The following SLC14A2 variants were observed in gnomAD, a reference collection of about 807,000 sequenced individuals.
The protein encoded by SLC14A2 is solute carrier family 14 member 2, also known as urea transporter 2.
Under a neutral mutation model 104.6 loss-of-function variants are expected in SLC14A2, and 91 were observed. The observed-to-expected ratio is 0.87, with a 90% CI of 0.73 to 1.04. The LOEUF (loss-of-function observed/expected upper bound fraction) is 1.04, where lower values mean the gene tolerates loss of function less well. Ranked by LOEUF, SLC14A2 falls within the 50% of genes least tolerant of loss-of-function variation. SLC14A2 has a pLI of 0.00. For missense variants in SLC14A2, 1,189 were observed against 1,156.0 expected, an observed-to-expected ratio of 1.03 and a Z score of -0.41; for synonymous variants, 476 against 466.4, an observed-to-expected ratio of 1.02 and a Z score of -0.27.
chr18:45,582,445 T>C (rs2044506624), intron 2 of SLC14A2, among the ~76,000 whole-genome samples: 1 of 152,198 alleles, frequency 6.6e-6, no homozygotes, highest in Admixed American at 6.5e-5. Context: ...TTTTCTATTA[T>C]GTGCTCTTGA....
At chr18:45,623,712 T>C (rs1264571115) in intron 1 of SLC14A2, among the ~76,000 whole-genome samples, 1 of 152,164 alleles carries the variant, frequency 6.6e-6, no homozygotes, top group Non-Finnish European at 1.5e-5. Flanking sequence ...GTAGTACCCA[T>C]GTTAGGGATC....
At chr18:45,663,740 C>T (rs374171280) in intron 10 of SLC14A2, 45 bp from the exon 11 acceptor site, 31 of 1,589,248 alleles carry the variant, frequency 2.0e-5, no homozygotes, top group Admixed American at 1.1e-4. Flanking sequence ...CTCTCAGGTG[C>T]GGACTAGGTG....
intron 2 of SLC14A2, among the ~76,000 whole-genome samples, chr18:45,547,699 A>C (rs1222173162): frequency 1.3e-5 from 2 of 152,186 alleles, no homozygotes; most frequent in African/African-American, 4.8e-5. Flanking sequence ...AATGTCTAGG[A>C]GATGATGAAA....
At chr18:45,230,976 G>A (rs893963047) in intron 1 of SLC14A2, among the ~76,000 whole-genome samples, 11 of 152,064 alleles carry the variant, frequency 7.2e-5, no homozygotes, top group Admixed American at 2.6e-4. Context: ...TCTTTAACAA[G>A]AACAACAACA....
At chr18:45,244,844 G>A (rs1599607889) in intron 1 of SLC14A2, among the ~76,000 whole-genome samples, 1 of 152,262 alleles carries the variant, frequency 6.6e-6, no homozygotes, top group African/African-American at 2.4e-5. Context: ...GCCAAAGGAA[G>A]ACCCAATTGT....
At chr18:45,441,260 C>G (rs1310327965) in intron 1 of SLC14A2, among the ~76,000 whole-genome samples, 2 of 152,132 alleles carry the variant, frequency 1.3e-5, no homozygotes, top group African/African-American at 2.4e-5. Flanking sequence ...TAAGAAATGG[C>G]TCTTTCAAGC....
At chr18:45,423,664 A>T (rs571513792) in intron 1 of SLC14A2, 2 of 152,214 alleles carry the variant, frequency 1.3e-5, no homozygotes, top group South Asian at 4.2e-4. Context: ...GTCACAAATA[A>T]AAAAAAATCT....
chr18:45,655,608 T>C (rs2045823046), intron 10 of SLC14A2, among the ~76,000 whole-genome samples: 1 of 151,830 alleles, frequency 6.6e-6, no homozygotes, highest in Admixed American at 6.6e-5. Context: ...ACGTCTGCCA[T>C]AGGTTGCCAT....
intron 10 of SLC14A2, among the ~76,000 whole-genome samples, chr18:45,652,974 T>C (rs1212812721): frequency 6.6e-6 from 1 of 151,996 alleles, no homozygotes; most frequent in Non-Finnish European, 1.5e-5. Flanking sequence ...CACAGGTGGC[T>C]CCCTGTTATG....
chr18:45,326,747 C>G (rs973858348), intron 1 of SLC14A2, among the ~76,000 whole-genome samples: 29 of 152,194 alleles, frequency 1.9e-4, no homozygotes, highest in Non-Finnish European at 4.1e-4. Context: ...TTTCCTCATA[C>G]AGGTTGGATG....
At chr18:45,395,538 A>G (rs1024709477) in intron 1 of SLC14A2, among the ~76,000 whole-genome samples, 2 of 152,206 alleles carry the variant, frequency 1.3e-5, no homozygotes, top group Non-Finnish European at 2.9e-5. Flanking sequence ...AAGAAGGTAG[A>G]TTTTTTAATA....
At chr18:45,466,945 C>A in intron 1 of SLC14A2, among the ~76,000 whole-genome samples, 1 of 152,016 alleles carries the variant, frequency 6.6e-6, no homozygotes, top group East Asian at 1.9e-4. Context: ...TCCCGCGGAG[C>A]TCTAATTCTT....
At chr18:45,183,350 C>T in the SLC14A2 span, among the ~76,000 whole-genome samples, 5 of 152,290 alleles carry the variant, frequency 3.3e-5, no homozygotes, top group African/African-American at 9.6e-5. Flanking sequence ...AGCAGTTAAC[C>T]TCACCTTTTA....
chr18:45,263,563 T>G (rs1452049003), intron 1 of SLC14A2, among the ~76,000 whole-genome samples: 1 of 152,240 alleles, frequency 6.6e-6, no homozygotes, highest in Non-Finnish European at 1.5e-5. Flanking sequence ...GTACCAATTC[T>G]AATGTAGAGT....
chr18:45,286,775 C>A (rs967647905), intron 1 of SLC14A2, among the ~76,000 whole-genome samples: 3 of 151,628 alleles, frequency 2.0e-5, no homozygotes, highest in Admixed American at 6.6e-5. Flanking sequence ...ATATACAGTA[C>A]CCCTAAATGC....
At chr18:45,474,266 G>A (rs75975807) in intron 1 of SLC14A2, among the ~76,000 whole-genome samples, 3 of 152,148 alleles carry the variant, frequency 2.0e-5, no homozygotes, top group African/African-American at 7.2e-5. Context: ...ATGTGCTGCT[G>A]GATTTGGTTT....
At chr18:45,410,353 T>C (rs2086201749) in intron 1 of SLC14A2, among the ~76,000 whole-genome samples, 1 of 152,190 alleles carries the variant, frequency 6.6e-6, no homozygotes, top group East Asian at 1.9e-4. Context: ...TAAACTTTCA[T>C]GGGCAGGTCA....
intron 1 of SLC14A2, among the ~76,000 whole-genome samples, chr18:45,338,682 CAAAAAAAAA>C (rs59474827): frequency 3.9e-5 from 2 of 51,854 alleles, no homozygotes; most frequent in Admixed American, 2.3e-4. Flanking sequence ...CACTGGCTCA[CAAAAAAAAA>C]AAAAAAAAAA....
At chr18:45,179,756 T>C in the SLC14A2 span, 3 of 148,644 alleles carry the variant, frequency 2.0e-5, no homozygotes, top group Admixed American at 6.8e-5. Flanking sequence ...AAATATACCA[T>C]AAAAGTACTG....
Sources: allele counts gnomAD v4.1 joint callset (sites outside exome capture counted in the v4.1 genomes callset), GRCh38; gene constraint gnomAD v4.1.1; transcripts MANE v1.5; gene names NCBI Gene and HGNC (gene_info 2026-07-23, HGNC 2026-07-21).